The following LAX1 variants were observed in gnomAD, a reference collection of about 807,000 sequenced individuals.
The protein encoded by LAX1 is lymphocyte transmembrane adapter 1.
Under a neutral mutation model 20.7 loss-of-function variants are expected in LAX1, and 17 were observed. That is an observed-to-expected ratio of 0.82 (90% CI 0.56 to 1.23). The LOEUF (loss-of-function observed/expected upper bound fraction) is 1.23. LAX1 is among the 50% of genes most tolerant of loss of function. The pLI is 0.00. For synonymous variants in LAX1, 165 were observed against 181.0 expected (o/e 0.91, Z 0.71); for missense variants, 470 against 487.0 (o/e 0.97, Z 0.33).
At chr1:203,772,585 G>A (rs185759646) in intron 4 of LAX1, among the ~76,000 whole-genome samples, 3 of 152,002 alleles carry the variant, frequency 2.0e-5, no homozygotes, top group East Asian at 1.9e-4. Context: ...GCGCCACCAC[G>A]CCCAGCTAAT....
intron 4 of LAX1, among the ~76,000 whole-genome samples, chr1:203,773,511 T>A (rs75330783): frequency 0.015 from 2,305 of 152,166 alleles, 64 homozygotes; most frequent in African/African-American, 0.051. Flanking sequence ...CTTCATTTTA[T>A]AAATTAGGAA....
intron 1 of LAX1, among the ~76,000 whole-genome samples, chr1:203,769,398 AAAG>A (rs1262369505): frequency 2.7e-3 from 130 of 48,790 alleles, no homozygotes; most frequent in Non-Finnish European, 4.0e-3. Flanking sequence ...TCTCAAAAAA[AAAG>A]AAAGAAAGAA....
At chr1:203,769,164 G>A (rs532890155) in intron 1 of LAX1, among the ~76,000 whole-genome samples, 4 of 151,784 alleles carry the variant, frequency 2.6e-5, no homozygotes, top group South Asian at 2.1e-4. Context: ...TGAGGCAGGC[G>A]GATCATTTGA....
chr1:203,774,790 A>G lies in LAX1; in HGVS notation c.*109A>G. 1.1e-6 allele frequency: 1 copy of G among 871,990 alleles called. No individual in the cohort carries two copies. Among genetic ancestry groups the G allele is most frequent in the Non-Finnish European group, 1.7e-6 (1 of 571,708 alleles). The allele number at this position is 871,990 out of a possible 1,614,324, so 54.0% of individuals were successfully genotyped here. A position where few individuals can be genotyped will look rare whatever the true frequency, so the allele number is the denominator to read the frequency against. ...ATCACCTTAGTGCTTCAGTGGATTCACTGGTTAGATTAAAAAGAGGCTGAG... is the reference window on the plus strand; with the variant it reads ...ATCACCTTAGTGCTTCAGTGGATTCGCTGGTTAGATTAAAAAGAGGCTGAG... On this transcript the variant is annotated 3_prime_UTR_variant, in exon 5 of 5. Coordinates refer to ENST00000442561, the MANE Select transcript of LAX1 (RefSeq NM_017773.4).
Position 203,774,819 on chromosome 1 carries a change from A to C in LAX1, c.*138A>C. 1 of 695,272 alleles carries C rather than the reference A, an allele frequency of 1.4e-6. No individual in the cohort carries two copies. Among genetic ancestry groups the C allele is most frequent in the Admixed American group, 3.0e-5 (1 of 33,712 alleles). 43.1% of individuals were successfully genotyped at this position (695,272 alleles called of 1,614,324 possible). On this transcript the variant is annotated 3_prime_UTR_variant, in exon 5 of 5. Coordinates refer to ENST00000442561, the MANE Select transcript of LAX1 (RefSeq NM_017773.4). ...GTTAGATTAAAAAGAGGCTGAGATGAGCAGTGAACTAAGAGGCCACACAAA... is the reference window on the plus strand; with the variant it reads ...GTTAGATTAAAAAGAGGCTGAGATGCGCAGTGAACTAAGAGGCCACACAAA...
Position 203,774,182 on chromosome 1 carries a change from A to C in LAX1, c.698A>C (p.Glu233Ala), listed in dbSNP as rs1332093064. ...CTGGAGTTTACTGAGGAAAGAGATGAGGGCTGTGGAGATGCTGGTGACTGC... is the reference window on the plus strand; with the variant it reads ...CTGGAGTTTACTGAGGAAAGAGATGCGGGCTGTGGAGATGCTGGTGACTGC... ...QKLEFTEERD[E>A]GCGDAGDCTS... is the part of the protein sequence containing the mutation. Residue 233 changes from glutamate to alanine, a missense_variant, in exon 5 of 5, where the codon GAG becomes GCG. Glu to Ala is a moderately radical substitution (Grantham distance 107). Transcript: ENST00000442561. The C allele has an allele frequency of 1.9e-6, 3 of 1,614,168 alleles. No homozygotes were observed. The highest frequency in any genetic ancestry group is 2.5e-6 in the Non-Finnish European group (3 of 1,180,036).
Position 203,765,378 on chromosome 1 carries a change from G to A in LAX1, c.-188G>A, listed in dbSNP as rs996189843. 1.6e-5 allele frequency: 25 copies of A among 1,551,656 alleles called. No homozygotes were observed. The highest frequency in any genetic ancestry group is 1.5e-4 in the African/African-American group (11 of 73,046). ...ACTTCCTGCAGTGGGCATTAGCCAC[G>A]TCCAGGTAGAACCAAACCTGTTGCT... is the stretch of plus-strand genomic sequence containing the variant. On this transcript the variant is annotated 5_prime_UTR_variant, in exon 1 of 5. Coordinates refer to ENST00000442561, the MANE Select transcript of LAX1 (RefSeq NM_017773.4).
Position 203,769,778 on chromosome 1 carries a change from G to GGA in LAX1, c.90-1049_90-1048insAG, listed in dbSNP as rs1426621008. The GGA allele has an allele frequency of 1.5e-4, 21 of 144,658 alleles. 1 individual carries two copies. Among genetic ancestry groups the GGA allele is most frequent in the Non-Finnish European group, 2.7e-4 (18 of 67,548 alleles). The allele number at this position is 144,658 out of a possible 1,614,324, so 9.0% of individuals were successfully genotyped here. On this transcript the variant is annotated intron_variant, in intron 1 of 4. Transcript: ENST00000442561. ...ACCAGCTCCACAAATTGGTGCGGGGGGGGGGGCGGCGGGGGGTGGGGGGTG... is the reference window on the plus strand; with the variant it reads ...ACCAGCTCCACAAATTGGTGCGGGGGGAGGGGGGCGGCGGGGGGTGGGGGGTG...
rs1385430744 is a variant in LAX1, at chr1:203,772,099, C to G, written c.342C>G (p.Phe114Leu). The G allele has an allele frequency of 1.2e-6, 2 of 1,613,932 alleles. No homozygotes were observed. Among genetic ancestry groups the G allele is most frequent in the South Asian group, 2.2e-5 (2 of 91,084 alleles). Residue 114 changes from phenylalanine (F) to leucine (L), a missense_variant, in exon 4 of 5, where the codon TTC (phenylalanine) becomes TTG (leucine). By Grantham distance (22) the Phe-to-Leu change is conservative. Coordinates refer to ENST00000442561, the MANE Select transcript of LAX1 (RefSeq NM_017773.4). The part of the protein sequence containing the change: ...GRHESRSMRI[F>L]STESLLSRNS... ...ATGAGTCGAGGAGTATGCGCATTTT[C>G]AGTACTGAGAGCCTCCTCTCCAGAA...
intron 1 of LAX1, chr1:203,769,795 T>TG (rs1558070185): frequency 4.1e-4 from 27 of 65,238 alleles, no homozygotes; most frequent in Non-Finnish European, 3.8e-4. Context: ...CGGCGGGGGG[T>TG]GGGGGGTGTT....
chr1:203,770,935 A>C lies in LAX1; in HGVS notation c.197A>C (p.Lys66Thr), dbSNP rs370667060. The C allele has an allele frequency of 1.3e-5, 21 of 1,608,334 alleles. No individual in the cohort carries two copies. The African/African-American group carries it at 2.1e-4, about 16-fold the overall frequency. The part of the protein sequence containing the change: ...CILWNWNKRK[K>T]RQVPYLRVTV... ...TTGTGGAATTGGAATAAACGGAAGAAGCGTGAGTCCCTTGTTTGTCCTGAG... is the reference window on the plus strand; with the variant it reads ...TTGTGGAATTGGAATAAACGGAAGACGCGTGAGTCCCTTGTTTGTCCTGAG... Residue 66 changes from lysine (K) to threonine (T), a missense_variant and splice_region_variant, in exon 2 of 5, where the codon AAG becomes ACG. By Grantham distance (78) the Lys-to-Thr change is moderately conservative. Coordinates refer to ENST00000442561, the MANE Select transcript of LAX1 (RefSeq NM_017773.4).
chr1:203,771,521 T>C (rs748869802), intron 3 of LAX1, 44 bp downstream of exon 3: 1 of 1,178,424 alleles, frequency 8.5e-7, no homozygotes, highest in Non-Finnish European at 1.3e-6. Context: ...TATTCGAACT[T>C]CTACTCCCAG....
In LAX1 at chr1:203,774,073, C is replaced by T; in HGVS notation, c.589C>T (p.Pro197Ser). 1 of 1,614,124 alleles carries T rather than the reference C, an allele frequency of 6.2e-7. No individual in the cohort carries two copies. Among genetic ancestry groups the T allele is most frequent in the African/African-American group, 1.3e-5 (1 of 75,036 alleles). The part of the protein sequence containing the change: ...SEDSHDYVNV[P>S]TAEEIAETLA... Reference sequence around the variant, plus strand: ...GGATTCGCATGATTATGTCAATGTCCCCACAGCAGAAGAGATTGCTGAGAC... The same window carrying T: ...GGATTCGCATGATTATGTCAATGTCTCCACAGCAGAAGAGATTGCTGAGAC... Residue 197 changes from proline to serine, a missense_variant, in exon 5 of 5, where the codon CCC becomes TCC. By Grantham distance (74) the Pro-to-Ser change is moderately conservative. Coordinates refer to ENST00000442561, the MANE Select transcript of LAX1 (RefSeq NM_017773.4).
Position 203,771,392 on chromosome 1 carries a change from C to G in LAX1, c.225C>G (p.Thr75=). 1.9e-6 allele frequency: 3 copies of G among 1,613,408 alleles called. No homozygotes were observed. Among genetic ancestry groups the G allele is most frequent in the Non-Finnish European group, 2.5e-6 (3 of 1,179,360 alleles). ...KKRQVPYLRV[T]VMPLLTLPQT... is the part of the protein sequence containing the mutation. ...GACAAGTTCCTTACCTCCGAGTTACCGTCATGCCCTTGCTGACTTTGCCAC... is the reference window on the plus strand; with the variant it reads ...GACAAGTTCCTTACCTCCGAGTTACGGTCATGCCCTTGCTGACTTTGCCAC... The change falls in exon 3 of 5, where the codon ACC becomes ACG. Residue 75 remains threonine (T), a synonymous_variant. Coordinates refer to ENST00000442561, the MANE Select transcript of LAX1 (RefSeq NM_017773.4).
At chr1:203,771,024 A>G in intron 2 of LAX1, 87 bp downstream of exon 2, 1 of 1,110,640 alleles carries the variant, frequency 9.0e-7, no homozygotes, top group East Asian at 2.4e-5. Context: ...TACCAGGGAT[A>G]AACTATTGGC....
In LAX1 at chr1:203,775,052, G is replaced by T; in HGVS notation, c.*371G>T. The stretch of plus-strand genomic sequence containing the variant: ...AGATTATTGTATAATCCAGTCAGAG[G>T]TCAAAAGGAAGGAAGAAGTTGGAGT... On this transcript the variant is annotated 3_prime_UTR_variant, in exon 5 of 5. Coordinates refer to ENST00000442561, the MANE Select transcript of LAX1 (RefSeq NM_017773.4). 5.1e-6 allele frequency: 1 copy of T among 195,214 alleles called. No homozygotes were observed. The highest frequency in any genetic ancestry group is 1.0e-5 in the Non-Finnish European group (1 of 95,258). The allele number at this position is 195,214 out of a possible 1,614,324, so 12.1% of individuals were successfully genotyped here. A position where few individuals can be genotyped will look rare whatever the true frequency, so the allele number is the denominator to read the frequency against.
chr1:203,767,235 A>G (rs1253315765), intron 1 of LAX1, among the ~76,000 whole-genome samples: 1 of 145,782 alleles, frequency 6.9e-6, no homozygotes, highest in Non-Finnish European at 1.5e-5. Flanking sequence ...TCTCTAACTG[A>G]TATTTTGTAC....
At chr1:203,773,826 C>T (rs2102270313) in intron 4 of LAX1, 49 bp from the exon 5 acceptor site, 1 of 614,546 alleles carries the variant, frequency 1.6e-6, no homozygotes. Context: ...AAGGCTTTGT[C>T]CATATTTCTG....
intron 1 of LAX1, chr1:203,769,795 TG>T (rs1558070185): frequency 1.5e-5 from 1 of 65,248 alleles, no homozygotes; most frequent in Non-Finnish European, 3.2e-5. Context: ...CGGCGGGGGG[TG>T]GGGGGTGTTA....
Sources: gnomAD v4.1 joint callset for allele counts (sites outside exome capture counted in the v4.1 genomes callset) on GRCh38, gnomAD v4.1.1 for gene constraint, MANE v1.5 for transcripts, NCBI Gene and HGNC (gene_info 2026-07-23, HGNC 2026-07-21) for gene names.